Variants in ANXA10 observed in about 807,000 individuals in gnomAD.
ANXA10 encodes annexin 14.
ANXA10 carries 49 observed loss-of-function variants against 53.5 expected under a neutral mutation model. That is an observed-to-expected ratio of 0.92 (90% CI 0.73 to 1.16). The LOEUF is 1.16. ANXA10 is among the 50% of genes most tolerant of loss of function. The pLI is 0.00. For missense variants in ANXA10, 393 were observed against 394.4 expected (o/e 1.00, Z 0.03); for synonymous variants, 131 against 128.9 (o/e 1.02, Z -0.11).
At chr4:168,157,013 A>G (rs891128134) in intron 3 of ANXA10, among the ~76,000 whole-genome samples, 3 of 152,174 alleles carry the variant, frequency 2.0e-5, no homozygotes, top group African/African-American at 7.2e-5. Context: ...ATTTTTTCTA[A>G]GGTACACTAG....
At chr4:168,150,439 A>C (rs535587540) in intron 3 of ANXA10, among the ~76,000 whole-genome samples, 2 of 152,314 alleles carry the variant, frequency 1.3e-5, no homozygotes, top group East Asian at 1.9e-4. Context: ...AAGGTTCATA[A>C]ATTTGGAAAA....
intron 6 of ANXA10, 75 bp from the exon 7 acceptor site, chr4:168,177,665 G>C: frequency 1.4e-6 from 2 of 1,430,578 alleles, no homozygotes; most frequent in South Asian, 2.3e-5. Context: ...GTTTTTCAAG[G>C]ATTTCAGTCT....
chr4:168,154,835 T>G (rs1261986421), intron 3 of ANXA10, among the ~76,000 whole-genome samples: 1 of 152,164 alleles, frequency 6.6e-6, no homozygotes, highest in East Asian at 1.9e-4. Flanking sequence ...ACAGGGTTGT[T>G]GTAATAAATT....
chr4:168,111,920 A>G (rs1008436366), intron 1 of ANXA10, among the ~76,000 whole-genome samples: 2 of 152,220 alleles, frequency 1.3e-5, no homozygotes, highest in Non-Finnish European at 2.9e-5. Context: ...TAGTATTTTC[A>G]GATCTGCTCC....
Position 168,177,950 on chromosome 4 carries a change from C to T in ANXA10, c.595C>T (p.Leu199=), listed in dbSNP as rs748200372. The change falls in exon 8 of 12, where the codon CTG becomes TTG. Residue 199 remains leucine (L), a synonymous_variant. Transcript: ENST00000359299. ...GEHKTMLQMI[L]CNKSYQQLRL... ...GCACAAAACCATGCTGCAAATGATCCTGTGCAACAAGAGCTACCAGCAGCT... is the reference window on the plus strand; with the variant it reads ...GCACAAAACCATGCTGCAAATGATCTTGTGCAACAAGAGCTACCAGCAGCT... The T allele has an allele frequency of 1.4e-5, 22 of 1,613,718 alleles. No individual in the cohort carries two copies. The highest frequency in any genetic ancestry group is 7.7e-5 in the South Asian group (7 of 91,062).
At chr4:168,122,888 T>A (rs1731010329) in intron 1 of ANXA10, among the ~76,000 whole-genome samples, 1 of 152,144 alleles carries the variant, frequency 6.6e-6, no homozygotes, top group Non-Finnish European at 1.5e-5. Context: ...GGGACACATA[T>A]TCAAATCATA....
chr4:168,178,042 T>A, intron 8 of ANXA10, 59 bp downstream of exon 8: 1 of 1,484,266 alleles, frequency 6.7e-7, no homozygotes, highest in Non-Finnish European at 9.3e-7. Context: ...AAAAAGAAGG[T>A]GGTTAACTAG....
At chr4:168,094,530 G>A (rs954681090) in intron 1 of ANXA10, among the ~76,000 whole-genome samples, 1 of 152,022 alleles carries the variant, frequency 6.6e-6, no homozygotes, top group Non-Finnish European at 1.5e-5. Context: ...CAAGAGACTG[G>A]CTCTTCTGTT....
intron 2 of ANXA10, among the ~76,000 whole-genome samples, chr4:168,129,001 A>G (rs1156857825): frequency 6.6e-6 from 1 of 152,172 alleles, no homozygotes; most frequent in Non-Finnish European, 1.5e-5. Flanking sequence ...AAACTTTCAT[A>G]TAGTTTCCTA....
chr4:168,165,159 A>C lies in ANXA10; in HGVS notation c.401-88A>C, dbSNP rs1731853034. 2.2e-5 allele frequency: 18 copies of C among 801,526 alleles called. No homozygotes were observed. The South Asian group carries it at 4.4e-4, about 20-fold the overall frequency. 49.7% of individuals were successfully genotyped at this position (801,526 alleles called of 1,614,324 possible). On this transcript the variant is annotated intron_variant, in intron 5 of 11. Transcript: ENST00000359299. ...ACTACATTTCCTGGACTTTGTACTC[A>C]CAACTGGGAAATAACATTAACTTAC...
intron 2 of ANXA10, among the ~76,000 whole-genome samples, chr4:168,132,195 T>A (rs1731166107): frequency 6.6e-6 from 1 of 152,110 alleles, no homozygotes; most frequent in Admixed American, 6.6e-5. Context: ...GTTCCAGCAC[T>A]ATTTACAATA....
At chr4:168,162,393 A>G (rs1046342652) in intron 3 of ANXA10, 135 bp from the exon 4 acceptor site, 11 of 674,742 alleles carry the variant, frequency 1.6e-5, no homozygotes, top group African/African-American at 7.2e-5. Context: ...ATACATATAC[A>G]TGTGAATCAG....
intron 1 of ANXA10, among the ~76,000 whole-genome samples, chr4:168,097,144 T>G: frequency 6.6e-6 from 1 of 151,966 alleles, no homozygotes; most frequent in Non-Finnish European, 1.5e-5. Flanking sequence ...GTAACTTCTC[T>G]TCTTTATTAT....
At chr4:168,148,346 T>G (rs569739369) in intron 3 of ANXA10, among the ~76,000 whole-genome samples, 1 of 152,112 alleles carries the variant, frequency 6.6e-6, no homozygotes, top group Non-Finnish European at 1.5e-5. Flanking sequence ...TTTGTATTTT[T>G]AGTAGAGACG....
At chr4:168,139,125 T>C (rs991755827) in intron 2 of ANXA10, among the ~76,000 whole-genome samples, 1 of 152,196 alleles carries the variant, frequency 6.6e-6, no homozygotes, top group African/African-American at 2.4e-5. Flanking sequence ...CTAGGGCTCC[T>C]AGTACTATGT....
chr4:168,156,191 T>TATATATTATATATA (rs1731664934), intron 3 of ANXA10, among the ~76,000 whole-genome samples: 1 of 28,936 alleles, frequency 3.5e-5, no homozygotes, highest in Non-Finnish European at 5.6e-5. Context: ...TATTATATAT[T>TATATATTATATATA]ATATATAATA....
At chr4:168,146,315 A>T (rs1284626275) in intron 3 of ANXA10, among the ~76,000 whole-genome samples, 1 of 152,222 alleles carries the variant, frequency 6.6e-6, no homozygotes, top group Non-Finnish European at 1.5e-5. Flanking sequence ...ATGTGGCGGA[A>T]GTCAGCTGAT....
intron 2 of ANXA10, among the ~76,000 whole-genome samples, chr4:168,137,713 C>A (rs1488158394): frequency 2.0e-5 from 3 of 152,074 alleles, no homozygotes; most frequent in Non-Finnish European, 4.4e-5. Context: ...GATTACATAT[C>A]TTGGCTATTA....
At chr4:168,178,136 G>C in intron 8 of ANXA10, 153 bp downstream of exon 8, 2 of 646,038 alleles carry the variant, frequency 3.1e-6, no homozygotes, top group South Asian at 4.3e-5. Flanking sequence ...TATAAGATGT[G>C]CCTTATTTAA....
Sources: gnomAD v4.1 joint callset for allele counts (sites outside exome capture counted in the v4.1 genomes callset) on GRCh38, gnomAD v4.1.1 for gene constraint, MANE v1.5 for transcripts, NCBI Gene and HGNC (gene_info 2026-07-23, HGNC 2026-07-21) for gene names.